The following ADH1B variants were observed in gnomAD, a reference collection of about 807,000 sequenced individuals.
The protein encoded by ADH1B is alcohol dehydrogenase 1B (class I), beta polypeptide.
In ADH1B, 29 loss-of-function variants were observed where a neutral mutation model predicts 34.6. The observed-to-expected ratio is 0.84, with a 90% CI of 0.62 to 1.14. The LOEUF (loss-of-function observed/expected upper bound fraction) is 1.14. Ranked by LOEUF, ADH1B falls within the 50% of genes most tolerant of loss-of-function variation. The pLI is 0.00. For synonymous variants in ADH1B, 170 were observed against 175.5 expected (o/e 0.97, Z 0.25); for missense variants, 424 against 468.4 (o/e 0.91, Z 0.87).
At chr4:99,310,199 A>G (rs2110630037) in intron 8 of ADH1B, 1 of 221,270 alleles carries the variant, frequency 4.5e-6, no homozygotes, top group East Asian at 1.5e-4. Context: ...AACATTTAAA[A>G]TAGTATTTAC....
At chr4:99,314,292 TTCATCTGGGG>T in intron 5 of ADH1B, 1 of 759,058 alleles carries the variant, frequency 1.3e-6, no homozygotes, top group Non-Finnish European at 2.1e-6. Context: ...GCATATTAGA[TTCATCTGGGG>T]AGCTTTACAA....
rs144847821 is a variant in ADH1B at position 99,310,363 on chromosome 4, T to G, written c.1103+402A>C. 1.1e-3 allele frequency: 500 copies of G among 454,262 alleles called. 4 individuals are homozygous for G. Among genetic ancestry groups the G allele is most frequent in the African/African-American group, 9.3e-3 (463 of 49,860 alleles). The allele number at this position is 454,262 out of a possible 1,614,324, so 28.1% of individuals were successfully genotyped here. On this transcript the variant is annotated intron_variant, in intron 8 of 8. Transcript: ENST00000305046. ...GAAAATGTTGAGGATGTCCTGAAAA[T>G]TATTTAAATATGCAGACACTTAGTG... is the stretch of plus-strand genomic sequence containing the variant.
At chr4:99,310,736 G>T (rs759524920) in intron 8 of ADH1B, 29 bp downstream of exon 8, 1 of 1,595,314 alleles carries the variant, frequency 6.3e-7, no homozygotes, top group Admixed American at 1.8e-5. Context: ...AGAAAAAAAA[G>T]CAAAACAGAA....
intron 8 of ADH1B, among the ~76,000 whole-genome samples, chr4:99,308,876 G>A (rs1733680182): frequency 6.6e-6 from 1 of 151,938 alleles, no homozygotes. Context: ...TTGATGACGA[G>A]TTAATGGGTG....
chr4:99,313,272 G>T (rs1017545869), intron 6 of ADH1B, among the ~76,000 whole-genome samples: 1 of 152,154 alleles, frequency 6.6e-6, no homozygotes, highest in South Asian at 2.1e-4. Flanking sequence ...CTAGCTATGT[G>T]CCAGGCACTG....
At chr4:99,313,741 C>T (rs1038744555) in intron 6 of ADH1B, 80 bp downstream of exon 6, 2 of 1,608,526 alleles carry the variant, frequency 1.2e-6, no homozygotes, top group African/African-American at 2.7e-5. Context: ...ATCCTTTATA[C>T]ATAAAACATA....
intron 3 of ADH1B, chr4:99,316,536 A>G (rs1271531157): frequency 3.8e-6 from 2 of 525,852 alleles, no homozygotes; most frequent in Non-Finnish European, 6.7e-6. Context: ...GACCACACAG[A>G]TTAAAAAAAT....
intron 6 of ADH1B, 57 bp from the exon 7 acceptor site, chr4:99,311,713 T>C (rs979286078): frequency 6.3e-7 from 1 of 1,594,708 alleles, no homozygotes; most frequent in African/African-American, 1.3e-5. Context: ...TTCCTACTCA[T>C]AATGCACAAT....
Position 99,310,881 on chromosome 4 carries a change from G to C in ADH1B, c.987C>G (p.Ile329Met), listed in dbSNP as rs368082149. Residue 329 changes from isoleucine to methionine, a missense_variant, in exon 8 of 9, where the codon ATC becomes ATG. By Grantham distance (10) the Ile-to-Met change is conservative. Around this residue, in one of 3 missense-constraint regions of ADH1B, gnomAD observed 130 missense variants for 151.8 expected, o/e 0.86. Coordinates refer to ENST00000305046, the MANE Select transcript of ADH1B (RefSeq NM_000668.6). ...CCATAAAATCAGCCACAAGTTTTGG[G>C]ATACCTTCTTTACTCTTAAAGCCTG... The part of the protein sequence containing the change: ...VYGGFKSKEG[I>M]PKLVADFMAK... 1 of 1,613,382 alleles carries C rather than the reference G, an allele frequency of 6.2e-7. No homozygotes were observed. The highest frequency in any genetic ancestry group is 8.5e-7 in the Non-Finnish European group (1 of 1,179,684).
intron 6 of ADH1B, 101 bp from the exon 7 acceptor site, chr4:99,311,757 G>A: frequency 2.0e-6 from 3 of 1,497,298 alleles, no homozygotes; most frequent in South Asian, 2.7e-5. Context: ...TTGTGAGTGT[G>A]TAGAGGGAAG....
Position 99,313,783 on chromosome 4 carries a change from G to T in ADH1B, c.828+38C>A, listed in dbSNP as rs532844712. ...GCTGCCTAAATGCATCTTCCAGGTTGCAGAGGCAGAAATCTCAGGGCATGT... is the reference window on the plus strand; with the variant it reads ...GCTGCCTAAATGCATCTTCCAGGTTTCAGAGGCAGAAATCTCAGGGCATGT... On this transcript the variant is annotated intron_variant, in intron 6 of 8. Transcript: ENST00000305046. 3.2e-5 allele frequency: 52 copies of T among 1,613,944 alleles called. No homozygotes were observed. In the South Asian group the frequency reaches 4.7e-4, roughly 15 times the overall value.
At chr4:99,316,526 G>C (rs183929928) in intron 3 of ADH1B, 69 of 558,594 alleles carry the variant, frequency 1.2e-4, no homozygotes, top group Non-Finnish European at 2.0e-4. Flanking sequence ...AAATGTGGGA[G>C]ACCACACAGA....
In ADH1B at chr4:99,313,807, G is replaced by A. The variant is rs199777080; in HGVS notation, c.828+14C>T. 2.6e-4 allele frequency: 416 copies of A among 1,614,022 alleles called. 7 individuals carry two copies. The South Asian group carries it at 4.4e-3, about 17-fold the overall frequency. On this transcript the variant is annotated intron_variant, in intron 6 of 8. Transcript: ENST00000305046. ...TGCAGAGGCAGAAATCTCAGGGCAT[G>A]TCATGGTACATACCATGGTGTCAAG... is the stretch of plus-strand genomic sequence containing the variant.
Position 99,310,784 on chromosome 4 carries a change from G to T in ADH1B, c.1084C>A (p.Leu362Met). ...ATCTACCTTTTCCCAGAGTGAAGCA[G>T]GTCAAATCCTTCATTTATTTTTTCA... ...PFEKINEGFD[L>M]LHSGKSIRTV... Residue 362 changes from leucine (L) to methionine (M), a missense_variant, in exon 8 of 9, where the codon CTG becomes ATG. By Grantham distance (15) the Leu-to-Met change is conservative (BLOSUM62 2). This residue lies in a region of ADH1B where 130 missense variants were observed against 151.8 expected (regional missense o/e 0.86). Coordinates refer to ENST00000305046, the MANE Select transcript of ADH1B (RefSeq NM_000668.6). 6.2e-7 allele frequency: 1 copy of T among 1,611,604 alleles called. No individual in the cohort carries two copies. The highest frequency in any genetic ancestry group is 1.1e-5 in the South Asian group (1 of 90,114).
At chr4:99,312,416 G>T (rs1733776551) in intron 6 of ADH1B, among the ~76,000 whole-genome samples, 1 of 152,144 alleles carries the variant, frequency 6.6e-6, no homozygotes, top group Non-Finnish European at 1.5e-5. Context: ...TTCCTCTGTG[G>T]CATCTGTCCT....
intron 2 of ADH1B, 142 bp downstream of exon 2, chr4:99,318,643 C>T: frequency 6.2e-6 from 5 of 807,240 alleles, no homozygotes; most frequent in South Asian, 2.2e-5. Context: ...ATATTTATAC[C>T]TTTCCTTGAC....
At position 99,305,919 on chromosome 4, in the gene ADH1B, A is replaced by G. The variant is rs1733601067; in HGVS notation, c.*1921T>C. Reference sequence around the variant, plus strand: ...ATCAGCATCAGTGTAAAAGCCGCAGAGCACCCAGCAACAGGTAGTGTCCCA... The same window carrying G: ...ATCAGCATCAGTGTAAAAGCCGCAGGGCACCCAGCAACAGGTAGTGTCCCA... On this transcript the variant is annotated 3_prime_UTR_variant, in exon 9 of 9. Transcript: ENST00000305046. 2 of 152,292 alleles carry G rather than the reference A, an allele frequency of 1.3e-5. No individual in the cohort carries two copies. The highest frequency in any genetic ancestry group is 1.5e-5 in the Non-Finnish European group (1 of 68,042). 9.4% of individuals were successfully genotyped at this position (152,292 alleles called of 1,614,324 possible). A position where few individuals can be genotyped will look rare whatever the true frequency, so the allele number is the denominator to read the frequency against.
rs561530000 is a variant in ADH1B at position 99,307,579 on chromosome 4, C to T, written c.*261G>A. 270 of 508,476 alleles carry T rather than the reference C, an allele frequency of 5.3e-4. No individual in the cohort carries two copies. Among genetic ancestry groups the T allele is most frequent in the Non-Finnish European group, 8.4e-4 (239 of 284,844 alleles). The allele number at this position is 508,476 out of a possible 1,614,324, so 31.5% of individuals were successfully genotyped here. ...TTTTTCCTCAATGGCAAAGGTGACA[C>T]AGTAGAATGGTTAAGAAGGAAGGTT... On this transcript the variant is annotated 3_prime_UTR_variant, in exon 9 of 9. Coordinates refer to ENST00000305046, the MANE Select transcript of ADH1B (RefSeq NM_000668.6).
intron 6 of ADH1B, among the ~76,000 whole-genome samples, chr4:99,313,259 G>A (rs925020980): frequency 1.1e-4 from 17 of 151,916 alleles, no homozygotes; most frequent in Non-Finnish European, 2.2e-4. Context: ...CTAATATTGG[G>A]TACTAGCTAT....
Sources: gnomAD v4.1 joint callset for allele counts (sites outside exome capture counted in the v4.1 genomes callset) on GRCh38, gnomAD v4.1.1 for gene constraint, gnomAD v4.1.1 regional missense constraint, MANE v1.5 for transcripts, NCBI Gene and HGNC (gene_info 2026-07-23, HGNC 2026-07-21) for gene names.